OR2M3: variants seen among roughly 807,000 people sequenced by gnomAD.
OR2M3 encodes olfactory receptor 2M3.
A neutral mutation model predicts 4.3 loss-of-function variants in OR2M3; 1 was observed. That is an observed-to-expected ratio of 0.23 (90% CI 0.08 to 1.11). OR2M3 has a LOEUF of 1.11. OR2M3 is among the 50% of genes most tolerant of loss of function. The probability of loss-of-function intolerance (pLI) is 0.54; values close to 1 mark genes in which losing one functional copy is unlikely to be tolerated. For missense variants in OR2M3, 410 were observed against 390.4 expected, an observed-to-expected ratio of 1.05 and a Z score of -0.42; for synonymous variants, 151 against 139.4, an observed-to-expected ratio of 1.08 and a Z score of -0.59.
At position 248,209,282 on chromosome 1, in the gene OR2M3, T is replaced by G. The variant is rs1475212187; in HGVS notation, c.*5276T>G. On this transcript the variant is annotated 3_prime_UTR_variant, in exon 2 of 2. Transcript: ENST00000641626. ...TCACTTTTCTTTGGTGCCTCTTTGA[T>G]TAGCTTAATAATTGGCAATACTTTT... 1.3e-5 allele frequency: 2 copies of G among 152,238 alleles called. No individual in the cohort carries two copies. 9.4% of individuals were successfully genotyped at this position (152,238 alleles called of 1,614,324 possible). A position where few individuals can be genotyped will look rare whatever the true frequency, so the allele number is the denominator to read the frequency against.
Position 248,211,062 on chromosome 1 carries a change from A to G in OR2M3, c.*7056A>G, listed in dbSNP as rs1235340315. On this transcript the variant is annotated 3_prime_UTR_variant, in exon 2 of 2. Transcript: ENST00000641626. Reference sequence around the variant, plus strand: ...TGAAGTATGCACCAAGGTAGCAAACAAATCTTCTTTTCCCAGGGTATAAAC... The same window carrying G: ...TGAAGTATGCACCAAGGTAGCAAACGAATCTTCTTTTCCCAGGGTATAAAC... The G allele has an allele frequency of 1.3e-5, 2 of 152,232 alleles. No homozygotes were observed. The highest frequency in any genetic ancestry group is 4.8e-5 in the African/African-American group (2 of 41,460). The allele number at this position is 152,232 out of a possible 1,614,324, so 9.4% of individuals were successfully genotyped here.
chr1:248,202,906 G>A, intron 1 of OR2M3, 144 bp from the exon 2 acceptor site: 5 of 732,720 alleles, frequency 6.8e-6, no homozygotes, highest in Non-Finnish European at 1.1e-5. Flanking sequence ...ATTTCGTTCA[G>A]ATTCTATATT....
At position 248,204,019 on chromosome 1, in the gene OR2M3, A is replaced by G. The variant is rs1317847246; in HGVS notation, c.*13A>G. ...GTCTGGAGAGTGAGTTACCTAATAA[A>G]CTTCATGTTTTGCTGTGTGCTAAAT... On this transcript the variant is annotated 3_prime_UTR_variant, in exon 2 of 2. Transcript: ENST00000641626. 1 of 1,612,166 alleles carries G rather than the reference A, an allele frequency of 6.2e-7. No individual in the cohort carries two copies. Among genetic ancestry groups the G allele is most frequent in the Admixed American group, 1.7e-5 (1 of 59,864 alleles).
In OR2M3 at chr1:248,205,808, C is replaced by G. The variant is rs1256896232; in HGVS notation, c.*1802C>G. The stretch of plus-strand genomic sequence containing the variant: ...ATTCCATATGAATTTTAGGATTGTT[C>G]TTTCTAGTTCTGTTAAGAAGGATGG... On this transcript the variant is annotated 3_prime_UTR_variant, in exon 2 of 2. Coordinates refer to ENST00000641626, the MANE Select transcript of OR2M3 (RefSeq NM_001004689.2). The G allele has an allele frequency of 6.6e-6, 1 of 151,768 alleles. No individual in the cohort carries two copies. The highest frequency in any genetic ancestry group is 1.5e-5 in the Non-Finnish European group (1 of 67,846). The allele number at this position is 151,768 out of a possible 1,614,324, so 9.4% of individuals were successfully genotyped here.
rs1185933913 is a variant in OR2M3, at chr1:248,208,997, C to T, written c.*4991C>T. 1 of 152,120 alleles carries T rather than the reference C, an allele frequency of 6.6e-6. No homozygotes were observed. The highest frequency in any genetic ancestry group is 2.4e-5 in the African/African-American group (1 of 41,430). The allele number at this position is 152,120 out of a possible 1,614,324, so 9.4% of individuals were successfully genotyped here. A position where few individuals can be genotyped will look rare whatever the true frequency, so the allele number is the denominator to read the frequency against. On this transcript the variant is annotated 3_prime_UTR_variant, in exon 2 of 2. Coordinates refer to ENST00000641626, the MANE Select transcript of OR2M3 (RefSeq NM_001004689.2). ...TCCGGACATTTGACATAGTATCAAA[C>T]TTCTTGGAGGCTTTGTTTTTAGGTT... is the stretch of plus-strand genomic sequence containing the variant.
chr1:248,201,638 T>C (rs988008758), intron 1 of OR2M3, among the ~76,000 whole-genome samples: 1 of 141,538 alleles, frequency 7.1e-6, no homozygotes, highest in African/African-American at 2.6e-5. Flanking sequence ...ATGTTCCCCT[T>C]CCTGTGTCCA....
In OR2M3 at chr1:248,203,840, T is replaced by C. The variant is rs200862798; in HGVS notation, c.773T>C (p.Met258Thr). 9.5e-5 allele frequency: 153 copies of C among 1,613,692 alleles called. 1 individual carries two copies. The East Asian group carries it at 2.3e-3, about 25-fold the overall frequency. The change falls in exon 2 of 2, where the codon ATG becomes ACG. Residue 258 changes from methionine to threonine, a missense_variant. Physicochemically the swap from Met to Thr is moderately conservative, Grantham distance 81. Coordinates refer to ENST00000641626, the MANE Select transcript of OR2M3 (RefSeq NM_001004689.2). Reference protein sequence around the residue: ...VGMYYGAALFMYIRPTSDRSP... With the variant: ...VGMYYGAALFTYIRPTSDRSP... ...ATGTACTATGGAGCAGCTTTGTTCA[T>C]GTACATACGGCCCACATCTGATCGC...
At chr1:248,199,858 T>G (rs979082530) in intron 1 of OR2M3, among the ~76,000 whole-genome samples, 4 of 152,058 alleles carry the variant, frequency 2.6e-5, no homozygotes, top group South Asian at 2.1e-4. Flanking sequence ...ACAACACAAA[T>G]AATAGTGCAT....
intron 1 of OR2M3, among the ~76,000 whole-genome samples, chr1:248,199,308 A>G (rs1248256202): frequency 6.6e-6 from 1 of 152,128 alleles, no homozygotes; most frequent in Non-Finnish European, 1.5e-5. Context: ...AAGATGTCAT[A>G]ATTTCAGATC....
In OR2M3 at chr1:248,209,141, C is replaced by G. The variant is rs1328797662; in HGVS notation, c.*5135C>G. 6.6e-6 allele frequency: 1 copy of G among 152,092 alleles called. No individual in the cohort carries two copies. The highest frequency in any genetic ancestry group is 1.5e-5 in the Non-Finnish European group (1 of 68,020). 9.4% of individuals were successfully genotyped at this position (152,092 alleles called of 1,614,324 possible). ...AATTTCCAGTGCATTTCACATTTCT[C>G]TAAGTGTGTCCTTGATTTTTAGAAG... On this transcript the variant is annotated 3_prime_UTR_variant, in exon 2 of 2. Coordinates refer to ENST00000641626, the MANE Select transcript of OR2M3 (RefSeq NM_001004689.2).
rs1666295511 is a variant in OR2M3 at position 248,212,819 on chromosome 1, C to T, written c.*8813C>T. 1 of 151,862 alleles carries T rather than the reference C, an allele frequency of 6.6e-6. No individual in the cohort carries two copies. Among genetic ancestry groups the T allele is most frequent in the South Asian group, 2.1e-4 (1 of 4,824 alleles). The allele number at this position is 151,862 out of a possible 1,614,324, so 9.4% of individuals were successfully genotyped here. On this transcript the variant is annotated 3_prime_UTR_variant, in exon 2 of 2. Coordinates refer to ENST00000641626, the MANE Select transcript of OR2M3 (RefSeq NM_001004689.2). ...TCTACAGAGTGTTGTTTTACAACAT[C>T]CTATGTGAACTCATTTCTCTTTTGA...
chr1:248,203,763 G>T lies in OR2M3; in HGVS notation c.696G>T (p.Glu232Asp). 6.2e-7 allele frequency: 1 copy of T among 1,612,442 alleles called. No individual in the cohort carries two copies. The highest frequency in any genetic ancestry group is 8.5e-7 in the Non-Finnish European group (1 of 1,179,808). Reference sequence around the variant, plus strand: ...CTGTCATTCACATGGGATCTGGAGAGGGTCGTCGCAAAGCTTTTACTACTT... The same window carrying T: ...CTGTCATTCACATGGGATCTGGAGATGGTCGTCGCAAAGCTTTTACTACTT... Reference protein sequence around the residue: ...ILAVIHMGSGEGRRKAFTTCS... With the variant: ...ILAVIHMGSGDGRRKAFTTCS... The change falls in exon 2 of 2, where the codon GAG (glutamate) becomes GAT (aspartate). Residue 232 changes from glutamate (E) to aspartate (D), a missense_variant. Transcript: ENST00000641626.
chr1:248,199,872 T>C (rs112561794), intron 1 of OR2M3, among the ~76,000 whole-genome samples: 1 of 152,272 alleles, frequency 6.6e-6, no homozygotes, highest in East Asian at 1.9e-4. Flanking sequence ...AGTGCATTTA[T>C]ATAAGTTCAG....
chr1:248,197,822 C>T (rs1328687673), intron 1 of OR2M3, among the ~76,000 whole-genome samples: 1 of 152,084 alleles, frequency 6.6e-6, no homozygotes, highest in African/African-American at 2.4e-5. Flanking sequence ...CTCCCATACA[C>T]AAAATTGTTT....
chr1:248,201,647 C>T (rs1455247201), intron 1 of OR2M3, among the ~76,000 whole-genome samples: 1 of 150,252 alleles, frequency 6.7e-6, no homozygotes, highest in Non-Finnish European at 1.5e-5. Context: ...TTCCTGTGTC[C>T]ATGTGCTCTC....
chr1:248,211,876 C>G lies in OR2M3; in HGVS notation c.*7870C>G, dbSNP rs1012552582. On this transcript the variant is annotated 3_prime_UTR_variant, in exon 2 of 2. Transcript: ENST00000641626. ...CTGTCACATTCCCTATAAGGAAAAT[C>G]ATTTAATCTTAGTTGCACAGGCTTT... The G allele has an allele frequency of 2.0e-5, 3 of 152,150 alleles. No homozygotes were observed. The highest frequency in any genetic ancestry group is 7.2e-5 in the African/African-American group (3 of 41,420). The allele number at this position is 152,150 out of a possible 1,614,324, so 9.4% of individuals were successfully genotyped here.
intron 1 of OR2M3, among the ~76,000 whole-genome samples, chr1:248,198,672 A>G (rs911634258): frequency 1.3e-5 from 2 of 152,120 alleles, no homozygotes; most frequent in African/African-American, 4.8e-5. Context: ...ATTTCTCAAC[A>G]AGATTTTCAT....
rs1666198770 is a variant in OR2M3, at chr1:248,204,137, T to C, written c.*131T>C. 2 of 738,882 alleles carry C rather than the reference T, an allele frequency of 2.7e-6. No individual in the cohort carries two copies. The highest frequency in any genetic ancestry group is 5.6e-5 in the Admixed American group (2 of 35,532). 45.8% of individuals were successfully genotyped at this position (738,882 alleles called of 1,614,324 possible). A position where few individuals can be genotyped will look rare whatever the true frequency, so the allele number is the denominator to read the frequency against. On this transcript the variant is annotated 3_prime_UTR_variant, in exon 2 of 2. Coordinates refer to ENST00000641626, the MANE Select transcript of OR2M3 (RefSeq NM_001004689.2). ...GCAATGACATATTTATGTGCACCTATATAATTTATTTCAGATAAACTATTA... is the reference window on the plus strand; with the variant it reads ...GCAATGACATATTTATGTGCACCTACATAATTTATTTCAGATAAACTATTA...
At position 248,206,484 on chromosome 1, in the gene OR2M3, G is replaced by C. The variant is rs187046506; in HGVS notation, c.*2478G>C. The C allele has an allele frequency of 6.7e-6, 1 of 149,542 alleles. No individual in the cohort carries two copies. Among genetic ancestry groups the C allele is most frequent in the African/African-American group, 2.5e-5 (1 of 39,494 alleles). 9.3% of individuals were successfully genotyped at this position (149,542 alleles called of 1,614,324 possible). On this transcript the variant is annotated 3_prime_UTR_variant, in exon 2 of 2. Transcript: ENST00000641626. ...CTTAACGTCACCTCTATGTCCCTTC[G>C]TGTTGATTTTGCTTAGAATTTTAAT...
Sources: gnomAD v4.1 joint callset for allele counts (sites outside exome capture counted in the v4.1 genomes callset) on GRCh38, gnomAD v4.1.1 for gene constraint, MANE v1.5 for transcripts, NCBI Gene and HGNC (gene_info 2026-07-23, HGNC 2026-07-21) for gene names.